Variants in ZKSCAN1 observed in about 807,000 individuals in gnomAD.
ZKSCAN1 encodes the protein zinc finger with KRAB and SCAN domains 1.
ZKSCAN1 carries 14 observed loss-of-function variants against 51.6 expected under a neutral mutation model. The ratio of observed to expected loss-of-function variants is 0.27; its 90% CI spans 0.18 to 0.42. ZKSCAN1 has a LOEUF of 0.42. Among genes scored for constraint, ZKSCAN1 ranks in the 10% least tolerant of loss-of-function variants. ZKSCAN1 has a pLI of 1.00. For missense variants in ZKSCAN1, 531 were observed against 710.0 expected, an observed-to-expected ratio of 0.75 and a Z score of 2.86; for synonymous variants, 263 against 261.5, an observed-to-expected ratio of 1.01 and a Z score of -0.06.
chr7:100,034,183 A>G lies in ZKSCAN1; in HGVS notation c.1678A>G (p.Lys560Glu). ...ASLDAFGAFL[K>E]SCV The stretch of plus-strand genomic sequence containing the variant: ...CCTTGATGCATTTGGCGCGTTCCTG[A>G]AAAGTTGTGTGTAAAGGAAGAATTT... The change falls in exon 6 of 6, where the codon AAA becomes GAA. Residue 560 changes from lysine to glutamate, a missense_variant. This residue lies in a region of ZKSCAN1 where 128 missense variants were observed against 219.5 expected (regional missense o/e 0.58). Coordinates refer to ENST00000324306, the MANE Select transcript of ZKSCAN1 (RefSeq NM_003439.4). 1 of 1,507,582 alleles carries G rather than the reference A, an allele frequency of 6.6e-7. No homozygotes were observed. Among genetic ancestry groups the G allele is most frequent in the Non-Finnish European group, 8.8e-7 (1 of 1,135,532 alleles). 93.4% of individuals were successfully genotyped at this position (1,507,582 alleles called of 1,614,324 possible). A position where few individuals can be genotyped will look rare whatever the true frequency, so the allele number is the denominator to read the frequency against.
chr7:100,025,481 CTT>C (rs1790791588), intron 3 of ZKSCAN1, among the ~76,000 whole-genome samples: 1 of 152,086 alleles, frequency 6.6e-6, no homozygotes, highest in Non-Finnish European at 1.5e-5. Flanking sequence ...TGTTTTTTCT[CTT>C]TTGACGGAAA....
chr7:100,025,824 G>A (rs1319986317), intron 3 of ZKSCAN1, among the ~76,000 whole-genome samples: 1 of 152,062 alleles, frequency 6.6e-6, no homozygotes, highest in African/African-American at 2.4e-5. Context: ...AGTGGCTCAC[G>A]CCTGTAATCC....
downstream of ZKSCAN1, among the ~76,000 whole-genome samples, chr7:100,042,318 C>CA (rs34258466): frequency 0.019 from 809 of 43,572 alleles, 14 homozygotes; most frequent in African/African-American, 0.037. Flanking sequence ...GACTTTGTCT[C>CA]AAAAAAAAAA....
chr7:100,024,359 C>A, intron 3 of ZKSCAN1, 52 bp downstream of exon 3: 1 of 1,592,604 alleles, frequency 6.3e-7, no homozygotes. Context: ...GGACGAGAGT[C>A]TTTGTGCTGC....
At position 100,030,350 on chromosome 7, in the gene ZKSCAN1, G is replaced by C. The variant is rs1360685091; in HGVS notation, c.774G>C (p.Glu258Asp). 1 of 1,613,952 alleles carries C rather than the reference G, an allele frequency of 6.2e-7. No homozygotes were observed. ...RRNLSRDNRQENYGSAFPQGG... is the reference protein window; with the variant it reads ...RRNLSRDNRQDNYGSAFPQGG... ...ATCTCAGTAGGGACAACAGGCAGGA[G>C]AATTATGGGAGCGCATTTCCCCAGG... The change falls in exon 5 of 6, where the codon GAG (glutamate) becomes GAC (aspartate). Residue 258 changes from glutamate to aspartate, a missense_variant. Glu to Asp is a conservative substitution (Grantham distance 45). Around this residue, in one of 2 missense-constraint regions of ZKSCAN1, gnomAD observed 403 missense variants for 490.5 expected, o/e 0.82. Transcript: ENST00000324306.
chr7:100,032,440 C>G (rs1300754741), intron 5 of ZKSCAN1, among the ~76,000 whole-genome samples: 1 of 152,168 alleles, frequency 6.6e-6, no homozygotes, highest in African/African-American at 2.4e-5. Context: ...TGTCATTTCC[C>G]CTTACTCTCC....
intron 3 of ZKSCAN1, among the ~76,000 whole-genome samples, chr7:100,028,300 C>T (rs573512871): frequency 2.6e-5 from 4 of 151,910 alleles, no homozygotes; most frequent in Admixed American, 2.6e-4. Flanking sequence ...TGCAGTGAGC[C>T]GAGATCGCGC....
chr7:100,027,480 G>A (rs1790891263), intron 3 of ZKSCAN1, among the ~76,000 whole-genome samples: 2 of 151,234 alleles, frequency 1.3e-5, no homozygotes, highest in Admixed American at 1.3e-4. Flanking sequence ...GCCAGGCGTG[G>A]TGGCTCACGC....
At chr7:100,043,530 C>T (rs562540777), downstream of ZKSCAN1, among the ~76,000 whole-genome samples, 14 of 151,478 alleles carry the variant, frequency 9.2e-5, no homozygotes, top group South Asian at 2.1e-4. Context: ...TGCATCACTA[C>T]GCCTAGATTT....
In ZKSCAN1 at chr7:100,033,458, A is replaced by G. The variant is rs1316424355; in HGVS notation, c.953A>G (p.Asn318Ser). 2 of 1,613,816 alleles carry G rather than the reference A, an allele frequency of 1.2e-6. No homozygotes were observed. The highest frequency in any genetic ancestry group is 1.7e-6 in the Non-Finnish European group (2 of 1,179,960). The change falls in exon 6 of 6, where the codon AAC becomes AGC. Residue 318 changes from asparagine (N) to serine (S), a missense_variant. By Grantham distance (46) the Asn-to-Ser change is conservative. Around this residue, in one of 2 missense-constraint regions of ZKSCAN1, gnomAD observed 403 missense variants for 490.5 expected, o/e 0.82. Transcript: ENST00000324306. The surrounding 1 kb of genome is among the most constrained non-coding windows in gnomAD (Gnocchi z 4.1). ...EGKTGERQQKNPEEKTRKEKR... is the reference protein window; with the variant it reads ...EGKTGERQQKSPEEKTRKEKR... The stretch of plus-strand genomic sequence containing the variant: ...AAAACAGGAGAAAGACAGCAGAAAA[A>G]CCCTGAGGAGAAAACCAGGAAAGAG...
At chr7:100,042,337 A>T, downstream of ZKSCAN1, among the ~76,000 whole-genome samples, 1 of 148,308 alleles carries the variant, frequency 6.7e-6, no homozygotes. Flanking sequence ...AAAAAAAAAA[A>T]AGGTGAACTG....
At chr7:100,032,001 CCCAGGAGAT>C (rs1315867544) in intron 5 of ZKSCAN1, among the ~76,000 whole-genome samples, 2 of 152,156 alleles carry the variant, frequency 1.3e-5, no homozygotes, top group Non-Finnish European at 2.9e-5. Context: ...ATCACTTGAG[CCCAGGAGAT>C]CGAGGCTGCA....
rs185018812 is a variant in ZKSCAN1 at position 100,037,813 on chromosome 7, C to T, written c.*3616C>T. ...CAGGCGGATCACGAGGTCAGTAGTT[C>T]GAGACCAGCCTGGCCAACATGGTGA... On this transcript the variant is annotated 3_prime_UTR_variant, in exon 6 of 6. Coordinates refer to ENST00000324306, the MANE Select transcript of ZKSCAN1 (RefSeq NM_003439.4). 135 of 795,718 alleles carry T rather than the reference C, an allele frequency of 1.7e-4. 1 individual carries two copies. In the African/African-American group the frequency reaches 2.1e-3, roughly 13 times the overall value. The allele number at this position is 795,718 out of a possible 1,614,324, so 49.3% of individuals were successfully genotyped here.
rs1420985244 is a variant in ZKSCAN1, at chr7:100,029,941, G to T, written c.661G>T (p.Ala221Ser). 1 of 1,614,156 alleles carries T rather than the reference G, an allele frequency of 6.2e-7. No homozygotes were observed. ...GGCGATGGCATCTGCACTATTCACAGCGGATTCCCAGGTGAGCTGTGGCCC... is the reference window on the plus strand; with the variant it reads ...GGCGATGGCATCTGCACTATTCACATCGGATTCCCAGGTGAGCTGTGGCCC... ...DQAMASALFT[A>S]DSQAMVKIED... Residue 221 changes from alanine to serine, a missense_variant, in exon 4 of 6, where the codon GCG (alanine) becomes TCG (serine). Ala to Ser is a moderately conservative substitution (Grantham distance 99). Around this residue, in one of 2 missense-constraint regions of ZKSCAN1, gnomAD observed 403 missense variants for 490.5 expected, o/e 0.82. Coordinates refer to ENST00000324306, the MANE Select transcript of ZKSCAN1 (RefSeq NM_003439.4).
intron 5 of ZKSCAN1, among the ~76,000 whole-genome samples, chr7:100,032,404 C>T (rs1791146332): frequency 6.6e-6 from 1 of 152,156 alleles, no homozygotes; most frequent in Non-Finnish European, 1.5e-5. Context: ...TCTGTTTCTT[C>T]CATCCTCTCC....
Position 100,041,563 on chromosome 7 carries a change from C to T in ZKSCAN1, c.*7366C>T, listed in dbSNP as rs897781396. 4.1e-5 allele frequency: 40 copies of T among 985,110 alleles called. No homozygotes were observed. Among genetic ancestry groups the T allele is most frequent in the South Asian group, 3.8e-4 (8 of 21,280 alleles). The allele number at this position is 985,110 out of a possible 1,614,324, so 61.0% of individuals were successfully genotyped here. On this transcript the variant is annotated 3_prime_UTR_variant, in exon 6 of 6. Transcript: ENST00000324306. ...GTGGTCCATTTTAGGAAGCCAGTGGCGTCTGATAAAGAAATGTTAAGAGTA... is the reference window on the plus strand; with the variant it reads ...GTGGTCCATTTTAGGAAGCCAGTGGTGTCTGATAAAGAAATGTTAAGAGTA...
At chr7:100,025,932 A>G (rs1488054691) in intron 3 of ZKSCAN1, among the ~76,000 whole-genome samples, 4 of 152,094 alleles carry the variant, frequency 2.6e-5, no homozygotes, top group Admixed American at 6.5e-5. Flanking sequence ...CTGAAAATAC[A>G]AAAATTGGCT....
rs540038793 is a variant in ZKSCAN1, at chr7:100,035,380, C to T, written c.*1183C>T. 2.0e-5 allele frequency: 3 copies of T among 152,084 alleles called. No individual in the cohort carries two copies. The highest frequency in any genetic ancestry group is 2.9e-5 in the Non-Finnish European group (2 of 68,006). 9.4% of individuals were successfully genotyped at this position (152,084 alleles called of 1,614,324 possible). A position where few individuals can be genotyped will look rare whatever the true frequency, so the allele number is the denominator to read the frequency against. On this transcript the variant is annotated 3_prime_UTR_variant, in exon 6 of 6. Coordinates refer to ENST00000324306, the MANE Select transcript of ZKSCAN1 (RefSeq NM_003439.4). ...GGAATGTCAGAAATGACTTTATCAT[C>T]GTCATCTTGAAGAAAAATATGAACA...
Position 100,033,178 on chromosome 7 carries a change from A to C in ZKSCAN1, c.800-127A>C. 1 of 1,425,952 alleles carries C rather than the reference A, an allele frequency of 7.0e-7. No homozygotes were observed. Among genetic ancestry groups the C allele is most frequent in the Non-Finnish European group, 9.2e-7 (1 of 1,088,764 alleles). 88.3% of individuals were successfully genotyped at this position (1,425,952 alleles called of 1,614,324 possible). ...CAGAGCGAGACTCTGTCTCAAAGGA[A>C]ATAAAAATAAAAATATTGCAAAGTC... On this transcript the variant is annotated intron_variant, in intron 5 of 5. Transcript: ENST00000324306. The surrounding 1 kb of genome is among the most constrained non-coding windows in gnomAD (Gnocchi z 4.1).
Sources: allele counts gnomAD v4.1 joint callset (sites outside exome capture counted in the v4.1 genomes callset), GRCh38; gene constraint gnomAD v4.1.1; regional missense constraint gnomAD v4.1.1; non-coding constraint Gnocchi (gnomAD v3.1); transcripts MANE v1.5; gene names NCBI Gene and HGNC (gene_info 2026-07-23, HGNC 2026-07-21).